The following SLC19A1 variants were observed in gnomAD, a reference collection of about 807,000 sequenced individuals.
SLC19A1 encodes solute carrier family 19 member 1, also known as reduced folate transporter.
SLC19A1 carries 37 observed loss-of-function variants against 35.3 expected under a neutral mutation model. The observed-to-expected ratio is 1.05, with a 90% CI of 0.81 to 1.38. The LOEUF is 1.38. SLC19A1 is among the 40% of genes most tolerant of loss of function. The probability of loss-of-function intolerance (pLI) is 0.00; values close to 1 mark genes in which losing one functional copy is unlikely to be tolerated. For synonymous variants in SLC19A1, 460 were observed against 398.5 expected (o/e 1.15, Z -1.84); for missense variants, 831 against 826.9 (o/e 1.00, Z -0.06).
At chr21:45,525,006 A>G (rs2077559663) in intron 5 of SLC19A1, among the ~76,000 whole-genome samples, 1 of 152,186 alleles carries the variant, frequency 6.6e-6, no homozygotes, top group Non-Finnish European at 1.5e-5. Flanking sequence ...TGAAGAATGC[A>G]TTTCGATGAG....
At chr21:45,519,552 G>A (rs2077374850) in intron 5 of SLC19A1, among the ~76,000 whole-genome samples, 1 of 106,526 alleles carries the variant, frequency 9.4e-6, no homozygotes, top group African/African-American at 3.4e-5. Context: ...TTAACATCAG[G>A]TAAAATAAAC....
intron 1 of SLC19A1, among the ~76,000 whole-genome samples, chr21:45,560,255 C>G (rs2078602445): frequency 6.6e-6 from 1 of 152,260 alleles, no homozygotes; most frequent in Admixed American, 6.5e-5. Flanking sequence ...AGGGCCCACA[C>G]AGGGACGTGC....
At chr21:45,538,735 C>A (rs1031294045) in intron 1 of SLC19A1, among the ~76,000 whole-genome samples, 12 of 152,182 alleles carry the variant, frequency 7.9e-5, no homozygotes, top group Admixed American at 7.2e-4. Context: ...CCCAGGGACC[C>A]CAGCATCCCC....
chr21:45,505,873 C>A, intron 3 of SLC19A1: 1 of 1,612,080 alleles, frequency 6.2e-7, no homozygotes, highest in Non-Finnish European at 8.5e-7. Context: ...CCATGCTGGG[C>A]CAGGTGCACG....
intron 3 of SLC19A1, chr21:45,505,863 C>T (rs1389772845): frequency 6.2e-7 from 1 of 1,610,994 alleles, no homozygotes; most frequent in African/African-American, 1.3e-5. Context: ...ACACGCCAGG[C>T]CATGCTGGGC....
Position 45,514,266 on chromosome 21 carries a change from C to CGCA in SLC19A1, c.*1391_*1392insTGC, listed in dbSNP as rs376765248. 6.6e-6 allele frequency: 1 copy of CGCA among 152,118 alleles called. No homozygotes were observed. The highest frequency in any genetic ancestry group is 2.4e-5 in the African/African-American group (1 of 41,360). 9.4% of individuals were successfully genotyped at this position (152,118 alleles called of 1,614,324 possible). ...GAAATGGCTGGTGCAGACCCCCCCC[C>CGCA]AAGCAGGGTCCCCAGGGTGGCCATG... is the stretch of plus-strand genomic sequence containing the variant. On this transcript the variant is annotated 3_prime_UTR_variant, in exon 6 of 6. Coordinates refer to ENST00000311124, the MANE Select transcript of SLC19A1 (RefSeq NM_194255.4).
At chr21:45,512,542 A>AGAAAT, downstream of SLC19A1, 1 of 739,042 alleles carries the variant, frequency 1.4e-6, no homozygotes, top group Admixed American at 2.7e-5. Flanking sequence ...GTAATCCTCA[A>AGAAAT]GAAATAAAAG....
intron 5 of SLC19A1, among the ~76,000 whole-genome samples, chr21:45,519,111 A>AAAGG (rs3028039): frequency 0.49 from 74,463 of 151,536 alleles, 19,277 homozygotes; most frequent in African/African-American, 0.67. Context: ...ACAGTGACAT[A>AAAGG]AAGGCAACGT....
intron 3 of SLC19A1, chr21:45,505,097 G>A (rs757491728): frequency 5.4e-5 from 87 of 1,599,684 alleles, no homozygotes; most frequent in African/African-American, 1.3e-4. Context: ...TCCAGGGCAC[G>A]AGGTAACCAG....
rs577375602 is a variant in SLC19A1, at chr21:45,534,147, C to T, written c.190-1999G>A. ...GTGCCAGGAGGCTGAGTGAGCCCGC[C>T]GGGTCACAGAGAGCCTCAGGGCCAG... On this transcript the variant is annotated intron_variant, in intron 2 of 5. Coordinates refer to ENST00000311124, the MANE Select transcript of SLC19A1 (RefSeq NM_194255.4). The surrounding 1 kb of genome is among the most constrained non-coding windows in gnomAD (Gnocchi z 4.2). Among the ~76,000 whole-genome samples the T allele has an allele frequency of 3.3e-5, 5 of 152,314 alleles. No homozygotes were observed. The highest frequency in any genetic ancestry group is 1.9e-4 in the East Asian group (1 of 5,178).
chr21:45,539,319 G>A lies in SLC19A1; in HGVS notation c.-49-1311C>T, dbSNP rs1602895631. On this transcript the variant is annotated intron_variant, in intron 1 of 5. Transcript: ENST00000311124. ...AAAGGCCATCTGCTGCTCAGGTGGG[G>A]TGGGGATGCAGCGCATGCAGAGGGC... Among the ~76,000 whole-genome samples the A allele has an allele frequency of 2.0e-5, 3 of 152,260 alleles. No individual in the cohort carries two copies. The South Asian group carries it at 6.2e-4, about 31-fold the overall frequency.
At chr21:45,504,782 C>A (rs1364438076) in intron 3 of SLC19A1, among the ~76,000 whole-genome samples, 1 of 152,132 alleles carries the variant, frequency 6.6e-6, no homozygotes, top group African/African-American at 2.4e-5. Context: ...CCATGGCCTG[C>A]CCTCCTGCTG....
Position 45,516,060 on chromosome 21 carries a change from G to T in SLC19A1, c.1374C>A (p.Cys458Ter). The T allele has an allele frequency of 6.3e-7, 1 of 1,589,916 alleles. No homozygotes were observed. The highest frequency in any genetic ancestry group is 1.1e-5 in the South Asian group (1 of 87,836). Residue 458 changes from cysteine to a stop codon, truncating the protein, a stop_gained, in exon 6 of 6, where the codon TGC (cysteine) becomes TGA (stop). Transcript: ENST00000311124. LOFTEE classifies it low-confidence loss of function (END_TRUNC). ...LGAMLDGLRH[C>*]QRGHHPRQPP... The stretch of plus-strand genomic sequence containing the variant: ...GCTGCCGCGGGTGGTGGCCCCGCTG[G>T]CAGTGCCGCAGGCCATCCAGCATGG...
rs747549214 is a variant in SLC19A1, at chr21:45,505,806, A to G, written c.498-7194T>C. 7 of 1,013,410 alleles carry G rather than the reference A, an allele frequency of 6.9e-6. No homozygotes were observed. The South Asian group carries it at 7.8e-5, about 11-fold the overall frequency. 62.8% of individuals were successfully genotyped at this position (1,013,410 alleles called of 1,614,324 possible). ...GCCCCTGCCCCCCGCCCTCCCCGCC[A>G]AGCCCCACACCTCTGCATTTGGTCC... On this transcript the variant is annotated intron_variant, in intron 3 of 4. Transcript: ENST00000417954.
At chr21:45,546,470 G>A (rs1432001623), upstream of SLC19A1, among the ~76,000 whole-genome samples, 3 of 152,194 alleles carry the variant, frequency 2.0e-5, no homozygotes, top group South Asian at 4.1e-4. Flanking sequence ...CCCGGACAGC[G>A]GCCCTAGCAG....
Position 45,533,618 on chromosome 21 carries a change from G to A in SLC19A1, c.190-1470C>T, listed in dbSNP as rs1460100047. 6.6e-6 allele frequency among the ~76,000 whole-genome samples: 1 copy of A among 151,854 alleles called. No homozygotes were observed. The highest frequency in any genetic ancestry group is 1.5e-5 in the Non-Finnish European group (1 of 67,894). ...GATCCACTGGAGGTTGGTACCAGAT[G>A]AGCCAGCAGGGCCCTGCTGGACTCT... On this transcript the variant is annotated intron_variant, in intron 2 of 5. Coordinates refer to ENST00000311124, the MANE Select transcript of SLC19A1 (RefSeq NM_194255.4). This position sits in a 1 kb window ranked among gnomAD's most constrained non-coding sequence, Gnocchi z 4.5.
chr21:45,557,088 C>G (rs796222703), intron 1 of SLC19A1, among the ~76,000 whole-genome samples: 5 of 152,302 alleles, frequency 3.3e-5, no homozygotes, highest in African/African-American at 1.2e-4. Flanking sequence ...ACTTGGGCAC[C>G]AGCCACTGCC....
chr21:45,515,878 C>T lies in SLC19A1; in HGVS notation c.1556G>A (p.Arg519Lys). The part of the protein sequence containing the change: ...GAVGPASLEQ[R>K]QSDPYLAQAP... ...CTGGGCCAGGTATGGGTCGCTCTGTCTCTGCTCCAGGGAGGCTGGCCCCAC... is the reference window on the plus strand; with the variant it reads ...CTGGGCCAGGTATGGGTCGCTCTGTTTCTGCTCCAGGGAGGCTGGCCCCAC... The change falls in exon 6 of 6, where the codon AGA becomes AAA. Residue 519 changes from arginine to lysine, a missense_variant. By Grantham distance (26) the Arg-to-Lys change is conservative. Coordinates refer to ENST00000311124, the MANE Select transcript of SLC19A1 (RefSeq NM_194255.4). The T allele has an allele frequency of 8.9e-6, 14 of 1,574,950 alleles. No individual in the cohort carries two copies. Among genetic ancestry groups the T allele is most frequent in the Non-Finnish European group, 1.2e-5 (14 of 1,160,170 alleles).
chr21:45,529,825 TGTG>T (rs1427763182), intron 4 of SLC19A1, among the ~76,000 whole-genome samples: 3 of 148,000 alleles, frequency 2.0e-5, no homozygotes, highest in Non-Finnish European at 3.0e-5. Flanking sequence ...CATGTGAGTG[TGTG>T]GTGTGTCTGT....
Sources: gnomAD v4.1 joint callset for allele counts (sites outside exome capture counted in the v4.1 genomes callset) on GRCh38, gnomAD v4.1.1 for gene constraint, Gnocchi (gnomAD v3.1) non-coding constraint, MANE v1.5 for transcripts, NCBI Gene and HGNC (gene_info 2026-07-23, HGNC 2026-07-21) for gene names.